The following TRO variants were observed in gnomAD, a reference collection of about 807,000 sequenced individuals.
The protein encoded by TRO is trophinin, also known as MAGE superfamily protein.
In TRO, 29 loss-of-function variants were observed where a neutral mutation model predicts 42.3. The observed-to-expected ratio is 0.68, with a 90% CI of 0.51 to 0.93. TRO has a LOEUF of 0.93. Among genes scored for constraint, TRO ranks in the 40% least tolerant of loss-of-function variants. The probability of loss-of-function intolerance (pLI) is 0.00; values close to 1 mark genes in which losing one functional copy is unlikely to be tolerated. For synonymous variants in TRO, 384 were observed against 425.2 expected (o/e 0.90, Z 1.19); for missense variants, 963 against 1,127.7 (o/e 0.85, Z 2.09).
At chrX:54,925,969 C>T (rs181989915) in intron 7 of TRO, among the ~76,000 whole-genome samples, 6 of 111,998 alleles carry the variant, frequency 5.4e-5, no homozygotes, top group African/African-American at 1.9e-4. Context: ...TTGCCTCTTC[C>T]GATGGAGTGC....
chrX:54,930,548 C>G lies in TRO; in HGVS notation c.3824C>G (p.Thr1275Ser). The G allele has an allele frequency of 5.0e-6, 6 of 1,211,680 alleles. No individual in the cohort carries two copies. The highest frequency in any genetic ancestry group is 6.7e-6 in the Non-Finnish European group (6 of 895,430). The change falls in exon 12 of 13, where the codon ACC becomes AGC. Residue 1275 changes from threonine (T) to serine (S), a missense_variant. Coordinates refer to ENST00000173898, the MANE Select transcript of TRO (RefSeq NM_001039705.3). Reference protein sequence around the residue: ...TSAGFSGGLGTSAGFGGGLVT... With the variant: ...TSAGFSGGLGSSAGFGGGLVT... Reference sequence around the variant, plus strand: ...GCTGGCTTCAGTGGCGGACTGGGCACCAGTGCTGGCTTTGGTGGTGGACTG... The same window carrying G: ...GCTGGCTTCAGTGGCGGACTGGGCAGCAGTGCTGGCTTTGGTGGTGGACTG...
chrX:54,924,019 C>T (rs1174717072), intron 3 of TRO: 6 of 392,011 alleles, frequency 1.5e-5, no homozygotes, highest in Non-Finnish European at 2.6e-5. Flanking sequence ...ATAGTAGTTA[C>T]CACGTGCCAG....
rs1178206773 is a variant in TRO at position 54,923,517 on chromosome X, C to A, written c.985C>A (p.Gln329Lys). Residue 329 changes from glutamine to lysine, a missense_variant, in exon 3 of 13, where the codon CAA (glutamine) becomes AAA (lysine). Physicochemically the swap from Gln to Lys is moderately conservative, Grantham distance 53. This residue lies in a region of TRO where 322 missense variants were observed against 316.5 expected (regional missense o/e 1.02). Coordinates refer to ENST00000173898, the MANE Select transcript of TRO (RefSeq NM_001039705.3). ...ACTTGCCACTCAGATAGTCACAAAC[C>A]AAGCCCTGGCAGCCACCCTGCGGGT... ...APLATQIVTN[Q>K]ALAATLRVKR... 8.4e-7 allele frequency: 1 copy of A among 1,186,288 alleles called. No homozygotes were observed. Among genetic ancestry groups the A allele is most frequent in the Non-Finnish European group, 1.1e-6 (1 of 881,691 alleles).
At chrX:54,921,631 G>A (rs1324336932) in intron 1 of TRO, among the ~76,000 whole-genome samples, 3 of 105,259 alleles carry the variant, frequency 2.9e-5, no homozygotes, top group Non-Finnish European at 3.9e-5. Flanking sequence ...GCTGCAGAGC[G>A]GAGGGAGGGG....
At chrX:54,921,365 G>A (rs762949463) in intron 1 of TRO, 1 of 111,350 alleles carries the variant, frequency 9.0e-6, no homozygotes, top group East Asian at 2.9e-4. Context: ...CAGGAGAAAG[G>A]AGGGGATATG....
chrX:54,925,658 G>A lies in TRO; in HGVS notation c.1552G>A (p.Glu518Lys), dbSNP rs1225930416. ...CTTGTATATTCTCATCAGCACTCAG[G>A]AATCCTCTGCAGGCATACTGGGAAC... The part of the protein sequence containing the change: ...SSLYILISTQ[E>K]SSAGILGTTK... Residue 518 changes from glutamate to lysine, a missense_variant, in exon 7 of 13, where the codon GAA (glutamate) becomes AAA (lysine). Around this residue, in one of 2 missense-constraint regions of TRO, gnomAD observed 641 missense variants for 811.3 expected, o/e 0.79. Transcript: ENST00000173898. 3 of 1,210,484 alleles carry A rather than the reference G, an allele frequency of 2.5e-6. No homozygotes were observed. In the South Asian group the frequency reaches 5.3e-5, roughly 21 times the overall value.
intron 6 of TRO, 95 bp from the exon 7 acceptor site, chrX:54,925,497 C>T: frequency 1.4e-6 from 1 of 700,143 alleles, no homozygotes; most frequent in African/African-American, 2.1e-5. Context: ...ACATGCAGAC[C>T]CCCTAAGTAC....
At position 54,928,962 on chromosome X, in the gene TRO, C is replaced by T; in HGVS notation, c.2238C>T (p.Ser746=). The T allele has an allele frequency of 8.2e-7, 1 of 1,212,164 alleles. No individual in the cohort carries two copies. The highest frequency in any genetic ancestry group is 1.1e-6 in the Non-Finnish European group (1 of 895,576). ...GASISFNGAP[S]SSGGFSGGPG... ...GTATTAGCTTCAATGGTGCACCCAG[C>T]TCCAGTGGTGGCTTCAGTGGTGGAC... Residue 746 remains serine (S), a synonymous_variant, in exon 12 of 13, where the codon AGC becomes AGT. Transcript: ENST00000173898.
At position 54,923,739 on chromosome X, in the gene TRO, A is replaced by G; in HGVS notation, c.1207A>G (p.Thr403Ala). The G allele has an allele frequency of 8.3e-7, 1 of 1,205,911 alleles. No individual in the cohort carries two copies. Among genetic ancestry groups the G allele is most frequent in the Non-Finnish European group, 1.1e-6 (1 of 893,325 alleles). ...GGCTCAGTTGAGCCTGGAGCCCACA[A>G]CCAGGACCCGGGGCAAAAGAAACCG... ...YLAQLSLEPT[T>A]RTRGKRNRKS... is the part of the protein sequence containing the mutation. The change falls in exon 3 of 13, where the codon ACC (threonine) becomes GCC (alanine). Residue 403 changes from threonine to alanine, a missense_variant. Physicochemically the swap from Thr to Ala is moderately conservative, Grantham distance 58. This residue lies in a region of TRO where 322 missense variants were observed against 316.5 expected (regional missense o/e 1.02). Transcript: ENST00000173898.
chrX:54,928,622 A>G lies in TRO; in HGVS notation c.1898A>G (p.Lys633Arg). The G allele has an allele frequency of 8.7e-7, 1 of 1,149,069 alleles. No homozygotes were observed. Among genetic ancestry groups the G allele is most frequent in the Non-Finnish European group, 1.2e-6 (1 of 866,367 alleles). 94.7% of individuals were successfully genotyped at this position (1,149,069 alleles called of 1,213,427 possible). A position where few individuals can be genotyped will look rare whatever the true frequency, so the allele number is the denominator to read the frequency against. ...FACRVQKKDP[K>R]DWAVQYREAV... ...TTTCAGGTGCAGAAGAAAGACCCCA[A>G]GGACTGGGCTGTGCAGTACCGCGAG... Residue 633 changes from lysine (K) to arginine (R), a missense_variant, in exon 12 of 13, where the codon AAG becomes AGG. By Grantham distance (26) the Lys-to-Arg change is conservative. This residue lies in a region of TRO where 641 missense variants were observed against 811.3 expected (regional missense o/e 0.79). Coordinates refer to ENST00000173898, the MANE Select transcript of TRO (RefSeq NM_001039705.3).
chrX:54,923,478 A>T lies in TRO; in HGVS notation c.946A>T (p.Ile316Phe). The change falls in exon 3 of 13, where the codon ATC (isoleucine) becomes TTC (phenylalanine). Residue 316 changes from isoleucine to phenylalanine, a missense_variant. By Grantham distance (21) the Ile-to-Phe change is conservative. This residue lies in a region of TRO where 322 missense variants were observed against 316.5 expected (regional missense o/e 1.02). Coordinates refer to ENST00000173898, the MANE Select transcript of TRO (RefSeq NM_001039705.3). ...ASRGPNSVSEISEAPLATQIV... is the reference protein window; with the variant it reads ...ASRGPNSVSEFSEAPLATQIV... ...CAGGGGCCCAAATTCTGTCTCTGAG[A>T]TCTCTGAGGCCCCACTTGCCACTCA... is the stretch of plus-strand genomic sequence containing the variant. The T allele has an allele frequency of 1.7e-6, 2 of 1,187,074 alleles. No homozygotes were observed. The highest frequency in any genetic ancestry group is 2.3e-6 in the Non-Finnish European group (2 of 882,324).
Position 54,930,143 on chromosome X carries a change from G to A in TRO, c.3419G>A (p.Gly1140Asp), listed in dbSNP as rs1289277120. Residue 1140 changes from glycine to aspartate, a missense_variant, in exon 12 of 13, where the codon GGT becomes GAT. By Grantham distance (94) the Gly-to-Asp change is moderately conservative (BLOSUM62 -1). Transcript: ENST00000173898. ...GAAPSTSVSF[G>D]GAHGTSLCFG... ...GCTCCCAGCACCAGTGTCAGCTTTGGTGGTGCTCATGGCACCAGCCTCTGT... is the reference window on the plus strand; with the variant it reads ...GCTCCCAGCACCAGTGTCAGCTTTGATGGTGCTCATGGCACCAGCCTCTGT... 1.7e-5 allele frequency: 20 copies of A among 1,210,695 alleles called. No homozygotes were observed. Among genetic ancestry groups the A allele is most frequent in the Non-Finnish European group, 2.2e-5 (20 of 895,316 alleles).
Position 54,926,968 on chromosome X carries a change from C to T in TRO, c.1701-75C>T, listed in dbSNP as rs1932787944. On this transcript the variant is annotated intron_variant, in intron 9 of 12. Coordinates refer to ENST00000173898, the MANE Select transcript of TRO (RefSeq NM_001039705.3). ...GCCCCATGTGCTAGAGAGGTCTCTT[C>T]CATGTTGGGAAATGCCTCTGCCCTC... The T allele has an allele frequency of 4.4e-6, 5 of 1,126,849 alleles. No individual in the cohort carries two copies. The Admixed American group carries it at 9.0e-5, about 20-fold the overall frequency. 92.9% of individuals were successfully genotyped at this position (1,126,849 alleles called of 1,213,427 possible).
chrX:54,931,361 C>G lies in TRO; in HGVS notation c.*169C>G, dbSNP rs753573491. The G allele has an allele frequency of 3.3e-6, 4 of 1,199,448 alleles. No homozygotes were observed. Among genetic ancestry groups the G allele is most frequent in the Admixed American group, 2.2e-5 (1 of 45,606 alleles). On this transcript the variant is annotated 3_prime_UTR_variant, in exon 13 of 13. Coordinates refer to ENST00000173898, the MANE Select transcript of TRO (RefSeq NM_001039705.3). The stretch of plus-strand genomic sequence containing the variant: ...TGATGGAAAAATCTGTTTGCTGTTC[C>G]TGCTTTATTGTTTGCTTTCTGTGTG...
In TRO at chrX:54,923,179, T is replaced by C. The variant is rs1188999736; in HGVS notation, c.647T>C (p.Ile216Thr). 1 of 1,211,308 alleles carries C rather than the reference T, an allele frequency of 8.3e-7. No homozygotes were observed. Among genetic ancestry groups the C allele is most frequent in the Non-Finnish European group, 1.1e-6 (1 of 895,445 alleles). Reference protein sequence around the residue: ...SKAKKAANKAIASATEVSLAA... With the variant: ...SKAKKAANKATASATEVSLAA... The stretch of plus-strand genomic sequence containing the variant: ...GCTAAGAAGGCTGCAAATAAGGCCA[T>C]AGCTAGTGCCACCGAGGTCTCGCTG... Residue 216 changes from isoleucine (I) to threonine (T), a missense_variant, in exon 3 of 13, where the codon ATA becomes ACA. Ile to Thr is a moderately conservative substitution (Grantham distance 89, BLOSUM62 -1). Coordinates refer to ENST00000173898, the MANE Select transcript of TRO (RefSeq NM_001039705.3).
rs951496188 is a variant in TRO at position 54,927,237 on chromosome X, A to G, written c.1763+132A>G. ...GGGCATCCTGTGTCCTAGAACTGAT[A>G]CTGTCTAAAATTCCCATGGGCAGAC... On this transcript the variant is annotated intron_variant, in intron 10 of 12. Transcript: ENST00000173898. The G allele has an allele frequency of 1.3e-5, 10 of 757,742 alleles. No homozygotes were observed. The African/African-American group carries it at 1.7e-4, about 13-fold the overall frequency. 62.4% of individuals were successfully genotyped at this position (757,742 alleles called of 1,213,427 possible). A position where few individuals can be genotyped will look rare whatever the true frequency, so the allele number is the denominator to read the frequency against.
intron 2 of TRO, 111 bp downstream of exon 2, chrX:54,922,402 C>A (rs1932191630): frequency 3.0e-6 from 3 of 989,217 alleles, no homozygotes; most frequent in South Asian, 2.2e-5. Context: ...TAACTCGTCT[C>A]AGTCCTCCCT....
At position 54,930,603 on chromosome X, in the gene TRO, G is replaced by A. The variant is rs1441137312; in HGVS notation, c.3879G>A (p.Leu1293=). ...LVTSDGFGGG[L]GTNASFGSTL... Reference sequence around the variant, plus strand: ...CTAGTGATGGCTTTGGTGGTGGACTGGGCACCAATGCTAGTTTCGGCAGCA... The same window carrying A: ...CTAGTGATGGCTTTGGTGGTGGACTAGGCACCAATGCTAGTTTCGGCAGCA... Residue 1293 remains leucine, a synonymous_variant, in exon 12 of 13, where the codon CTG becomes CTA. Coordinates refer to ENST00000173898, the MANE Select transcript of TRO (RefSeq NM_001039705.3). 1.7e-6 allele frequency: 2 copies of A among 1,208,260 alleles called. No individual in the cohort carries two copies. The highest frequency in any genetic ancestry group is 3.5e-5 in the African/African-American group (2 of 56,829).
rs1932884444 is a variant in TRO, at chrX:54,929,051, G to C, written c.2327G>C (p.Ser776Thr). 15 of 1,212,545 alleles carry C rather than the reference G, an allele frequency of 1.2e-5. No individual in the cohort carries two copies. Among genetic ancestry groups the C allele is most frequent in the Non-Finnish European group, 1.5e-5 (13 of 895,692 alleles). Residue 776 changes from serine to threonine, a missense_variant, in exon 12 of 13, where the codon AGC becomes ACC. Transcript: ENST00000173898. ...SASFSNTASI[S>T]FGGTLSTSSS... ...AGCTTCAGCAATACAGCCAGCATTAGCTTTGGTGGTACACTGAGCACTAGC... is the reference window on the plus strand; with the variant it reads ...AGCTTCAGCAATACAGCCAGCATTACCTTTGGTGGTACACTGAGCACTAGC...
Sources: allele counts gnomAD v4.1 joint callset (sites outside exome capture counted in the v4.1 genomes callset), GRCh38; gene constraint gnomAD v4.1.1; regional missense constraint gnomAD v4.1.1; transcripts MANE v1.5; gene names NCBI Gene and HGNC (gene_info 2026-07-23, HGNC 2026-07-21).